Variants in MAN1A2 observed in about 807,000 individuals in gnomAD.
MAN1A2 encodes the protein mannosyl-oligosaccharide 1,2-alpha-mannosidase IB.
MAN1A2 carries 26 observed loss-of-function variants against 75.7 expected under a neutral mutation model. That is an observed-to-expected ratio of 0.34 (90% CI 0.25 to 0.48). The LOEUF (loss-of-function observed/expected upper bound fraction) is 0.48. Ranked by LOEUF, MAN1A2 falls within the 20% of genes least tolerant of loss-of-function variation. The pLI is 0.99. For missense variants in MAN1A2, 562 were observed against 775.5 expected, an observed-to-expected ratio of 0.72 and a Z score of 3.27; for synonymous variants, 247 against 264.6, an observed-to-expected ratio of 0.93 and a Z score of 0.65.
rs892069805 is a variant in MAN1A2, at chr1:117,528,196, C to T, written c.*5239C>T. 4.6e-5 allele frequency: 7 copies of T among 152,160 alleles called. No individual in the cohort carries two copies. The highest frequency in any genetic ancestry group is 9.6e-5 in the African/African-American group (4 of 41,536). 9.4% of individuals were successfully genotyped at this position (152,160 alleles called of 1,614,324 possible). On this transcript the variant is annotated 3_prime_UTR_variant, in exon 13 of 13. Coordinates refer to ENST00000356554, the MANE Select transcript of MAN1A2 (RefSeq NM_006699.5). ...TCATAAAATTGCTTGTGAAATTACA[C>T]ACCATATTACTAGCATATACATTGC...
At position 117,525,137 on chromosome 1, in the gene MAN1A2, A is replaced by C; in HGVS notation, c.*2180A>C. The C allele has an allele frequency of 1.9e-6, 1 of 528,694 alleles. No individual in the cohort carries two copies. The highest frequency in any genetic ancestry group is 1.4e-5 in the South Asian group (1 of 70,144). 32.8% of individuals were successfully genotyped at this position (528,694 alleles called of 1,614,324 possible). ...CAGAACCCCTACTTCCAAGTGCTCT[A>C]TTTGTATTACCCAGATGACTGAAGC... On this transcript the variant is annotated 3_prime_UTR_variant, in exon 13 of 13. Transcript: ENST00000356554.
At chr1:117,425,557 C>G (rs1648337421) in intron 5 of MAN1A2, among the ~76,000 whole-genome samples, 1 of 152,118 alleles carries the variant, frequency 6.6e-6, no homozygotes, top group Non-Finnish European at 1.5e-5. Context: ...GTTCAAAAAT[C>G]AACCAATATA....
At chr1:117,371,116 A>G (rs1652952155) in intron 1 of MAN1A2, among the ~76,000 whole-genome samples, 1 of 152,376 alleles carries the variant, frequency 6.6e-6, no homozygotes, top group East Asian at 1.9e-4. Context: ...TAAATGATCA[A>G]TAAATGTTAA....
At chr1:117,433,634 T>A (rs185551247) in intron 5 of MAN1A2, among the ~76,000 whole-genome samples, 3 of 152,332 alleles carry the variant, frequency 2.0e-5, no homozygotes, top group South Asian at 2.1e-4. Flanking sequence ...ACAGTCATAT[T>A]GTCTGCAAAT....
chr1:117,476,044 A>T (rs1650301689), intron 8 of MAN1A2, among the ~76,000 whole-genome samples: 1 of 152,102 alleles, frequency 6.6e-6, no homozygotes, highest in Non-Finnish European at 1.5e-5. Context: ...CTGACTTTTT[A>T]ATGATCGTCT....
At chr1:117,498,842 A>G (rs940630652) in intron 10 of MAN1A2, among the ~76,000 whole-genome samples, 1 of 151,884 alleles carries the variant, frequency 6.6e-6, no homozygotes, top group Non-Finnish European at 1.5e-5. Flanking sequence ...TTTGGCCACC[A>G]TATTTTAAAA....
chr1:117,440,390 A>AT (rs1379382183), intron 5 of MAN1A2, among the ~76,000 whole-genome samples: 1 of 152,088 alleles, frequency 6.6e-6, no homozygotes, highest in Non-Finnish European at 1.5e-5. Flanking sequence ...AAGAGACTTA[A>AT]TTTTTTACTT....
intron 6 of MAN1A2, among the ~76,000 whole-genome samples, chr1:117,451,979 C>T (rs1021819575): frequency 6.7e-6 from 1 of 150,344 alleles, no homozygotes; most frequent in Non-Finnish European, 1.5e-5. Context: ...CAGAGCCAGA[C>T]CCTGTCTCAA....
At chr1:117,502,781 T>A in intron 11 of MAN1A2, 74 bp from the exon 12 acceptor site, 1 of 738,630 alleles carries the variant, frequency 1.4e-6, no homozygotes, top group Non-Finnish European at 2.4e-6. Context: ...TTGACTATTG[T>A]CCTTCAAAGT....
At chr1:117,375,280 A>G (rs1472391709) in intron 1 of MAN1A2, among the ~76,000 whole-genome samples, 1 of 152,106 alleles carries the variant, frequency 6.6e-6, no homozygotes, top group Non-Finnish European at 1.5e-5. Context: ...TTTTAAAAAA[A>G]TTTATTTTAA....
Position 117,499,437 on chromosome 1 carries a change from T to A in MAN1A2, c.1560T>A (p.Ala520=). ...TTGATGGTGCAGTGGAGGCTGTGGCTGTCCGGCAGGCTGAAAAGTATTATA... is the reference window on the plus strand; with the variant it reads ...TTGATGGTGCAGTGGAGGCTGTGGCAGTCCGGCAGGCTGAAAAGTATTATA... The part of the protein sequence containing the change: ...FKFDGAVEAV[A]VRQAEKYYIL... Residue 520 remains alanine (A), a synonymous_variant, in exon 11 of 13, where the codon GCT becomes GCA. Coordinates refer to ENST00000356554, the MANE Select transcript of MAN1A2 (RefSeq NM_006699.5). The A allele has an allele frequency of 6.2e-7, 1 of 1,605,124 alleles. No individual in the cohort carries two copies. The highest frequency in any genetic ancestry group is 8.5e-7 in the Non-Finnish European group (1 of 1,176,010).
At chr1:117,391,557 G>C (rs558092270) in intron 1 of MAN1A2, among the ~76,000 whole-genome samples, 2 of 152,254 alleles carry the variant, frequency 1.3e-5, no homozygotes, top group Admixed American at 6.5e-5. Flanking sequence ...TGCTCTAAAA[G>C]TTACTGTTAG....
At chr1:117,394,142 C>T (rs938349483) in intron 1 of MAN1A2, among the ~76,000 whole-genome samples, 79 of 150,708 alleles carry the variant, frequency 5.2e-4, no homozygotes, top group Non-Finnish European at 6.8e-4. Flanking sequence ...AGTGCAGTGG[C>T]GCAGTCTTGG....
At chr1:117,402,520 T>C in intron 2 of MAN1A2, 79 bp downstream of exon 2, 1 of 1,363,412 alleles carries the variant, frequency 7.3e-7, no homozygotes, top group Non-Finnish European at 9.9e-7. Context: ...ATCTATGGTA[T>C]CCTGTTTTGA....
intron 8 of MAN1A2, among the ~76,000 whole-genome samples, chr1:117,476,597 C>G (rs1650322426): frequency 6.6e-6 from 1 of 152,030 alleles, no homozygotes; most frequent in South Asian, 2.1e-4. Flanking sequence ...TTTCCCAACA[C>G]CATTTATTAA....
chr1:117,384,826 T>A (rs1355556519), intron 1 of MAN1A2, among the ~76,000 whole-genome samples: 1 of 152,194 alleles, frequency 6.6e-6, no homozygotes, highest in African/African-American at 2.4e-5. Flanking sequence ...GTTATGAAGA[T>A]ACCATCCTTA....
chr1:117,407,912 G>A (rs1384606072), intron 3 of MAN1A2, among the ~76,000 whole-genome samples: 6 of 152,118 alleles, frequency 3.9e-5, no homozygotes, highest in African/African-American at 1.2e-4. Context: ...GAGAGCACTC[G>A]GATGTCTTAG....
intron 5 of MAN1A2, among the ~76,000 whole-genome samples, chr1:117,428,646 A>C (rs1326411561): frequency 2.0e-5 from 3 of 152,194 alleles, no homozygotes; most frequent in Non-Finnish European, 4.4e-5. Context: ...CACACTTAAT[A>C]GAGAGGTTGA....
In MAN1A2 at chr1:117,376,954, ACT is replaced by A. The variant is rs1254844631; in HGVS notation, c.302+8470_302+8471del. On this transcript the variant is annotated intron_variant, in intron 1 of 12. Coordinates refer to ENST00000356554, the MANE Select transcript of MAN1A2 (RefSeq NM_006699.5). Reference sequence around the variant, plus strand: ...GGTTGTACATGGGTTATATGCAAATACTACAGTATTTTATATAAGAGACTTAA... The same window carrying A: ...GGTTGTACATGGGTTATATGCAAATAACAGTATTTTATATAAGAGACTTAA... Among the ~76,000 whole-genome samples the A allele has an allele frequency of 1.3e-3, 205 of 152,360 alleles. 1 individual carries two copies. The highest frequency in any genetic ancestry group is 4.7e-3 in the African/African-American group (197 of 41,576).
Sources: allele counts gnomAD v4.1 joint callset (sites outside exome capture counted in the v4.1 genomes callset), GRCh38; gene constraint gnomAD v4.1.1; transcripts MANE v1.5; gene names NCBI Gene and HGNC (gene_info 2026-07-23, HGNC 2026-07-21).